ATP1B3: variants seen among roughly 807,000 people sequenced by gnomAD.
ATP1B3 encodes ATPase Na+/K+ transporting subunit beta 3.
In ATP1B3, 10 loss-of-function variants were observed where a neutral mutation model predicts 30.2. The ratio of observed to expected loss-of-function variants is 0.33; its 90% CI spans 0.20 to 0.56. The LOEUF is 0.56. Among genes scored for constraint, ATP1B3 ranks in the 20% least tolerant of loss-of-function variants. The pLI, the probability that ATP1B3 is intolerant of heterozygous loss-of-function variation, is 0.90. For missense variants in ATP1B3, 238 were observed against 336.7 expected (o/e 0.71, Z 2.29); for synonymous variants, 113 against 117.0 (o/e 0.97, Z 0.22).
At chr3:141,913,389 A>G (rs79798088) in intron 3 of ATP1B3, among the ~76,000 whole-genome samples, 13,543 of 152,142 alleles carry the variant, frequency 0.089, 747 homozygotes, top group East Asian at 0.16. Context: ...TGCTTTAGCC[A>G]TGGCTGGTAC....
chr3:141,919,449 T>A (rs1022350125), intron 5 of ATP1B3, among the ~76,000 whole-genome samples: 5 of 152,232 alleles, frequency 3.3e-5, no homozygotes, highest in Admixed American at 6.5e-5. Context: ...ACTTAAAAGA[T>A]GATCCTGCAA....
chr3:141,915,357 G>A (rs764624657), intron 4 of ATP1B3, among the ~76,000 whole-genome samples: 5 of 152,162 alleles, frequency 3.3e-5, no homozygotes, highest in African/African-American at 9.6e-5. Flanking sequence ...TAGATTTTAC[G>A]TGCATTCACG....
intron 1 of ATP1B3, among the ~76,000 whole-genome samples, chr3:141,880,804 A>G (rs1390366600): frequency 6.6e-6 from 1 of 152,176 alleles, no homozygotes; most frequent in African/African-American, 2.4e-5. Flanking sequence ...CCTTCATTTC[A>G]TAGGTGGCAA....
At chr3:141,879,458 G>C (rs1370499419) in intron 1 of ATP1B3, among the ~76,000 whole-genome samples, 1 of 151,998 alleles carries the variant, frequency 6.6e-6, no homozygotes, top group East Asian at 1.9e-4. Context: ...ATTTTTACCT[G>C]TGTTATCTCT....
chr3:141,910,778 C>CT (rs1364924308), intron 3 of ATP1B3, among the ~76,000 whole-genome samples: 1 of 148,186 alleles, frequency 6.7e-6, no homozygotes, highest in Non-Finnish European at 1.5e-5. Context: ...TTGCCCTGCC[C>CT]CCCCCTTTTT....
intron 1 of ATP1B3, among the ~76,000 whole-genome samples, chr3:141,898,886 G>A (rs1013393827): frequency 3.9e-5 from 6 of 152,116 alleles, no homozygotes; most frequent in African/African-American, 1.2e-4. Flanking sequence ...CATATACAGT[G>A]GGATATTATT....
At chr3:141,919,318 A>G (rs931753117) in intron 5 of ATP1B3, among the ~76,000 whole-genome samples, 2 of 150,888 alleles carry the variant, frequency 1.3e-5, no homozygotes, top group African/African-American at 2.4e-5. Flanking sequence ...GGGTGTCACC[A>G]TGTTGCCAGG....
At chr3:141,893,164 A>G (rs1370789803) in intron 1 of ATP1B3, among the ~76,000 whole-genome samples, 2 of 151,796 alleles carry the variant, frequency 1.3e-5, no homozygotes, top group Non-Finnish European at 2.9e-5. Context: ...ACGCACCACC[A>G]CACCTGACTA....
intron 5 of ATP1B3, among the ~76,000 whole-genome samples, chr3:141,920,091 A>G (rs1934539828): frequency 1.3e-5 from 2 of 152,226 alleles, no homozygotes; most frequent in Admixed American, 1.3e-4. Flanking sequence ...AGATTAAGAA[A>G]AATCCTGCCA....
intron 1 of ATP1B3, among the ~76,000 whole-genome samples, chr3:141,894,170 A>G (rs6773700): frequency 0.6 from 90,632 of 152,076 alleles, 28,524 homozygotes; most frequent in African/African-American, 0.81. Flanking sequence ...TTGCAGGACT[A>G]CAGTTGCAGT....
chr3:141,896,937 A>G (rs1197983477), intron 1 of ATP1B3, among the ~76,000 whole-genome samples: 1 of 152,072 alleles, frequency 6.6e-6, no homozygotes, highest in Non-Finnish European at 1.5e-5. Context: ...AGACTTTCCT[A>G]TTACAACATT....
intron 4 of ATP1B3, among the ~76,000 whole-genome samples, chr3:141,914,534 C>A (rs929512570): frequency 1.3e-5 from 2 of 152,128 alleles, no homozygotes; most frequent in Admixed American, 6.5e-5. Flanking sequence ...TGATCCCTAG[C>A]CCCCGTGCCT....
At chr3:141,883,723 A>G (rs1933778645) in intron 1 of ATP1B3, among the ~76,000 whole-genome samples, 1 of 152,200 alleles carries the variant, frequency 6.6e-6, no homozygotes, top group Non-Finnish European at 1.5e-5. Context: ...GAATGTTTCC[A>G]TGAAGTTAGT....
rs372222433 is a variant in ATP1B3, at chr3:141,916,928, C to T, written c.582+908C>T. On this transcript the variant is annotated intron_variant, in intron 5 of 6. Coordinates refer to ENST00000286371, the MANE Select transcript of ATP1B3 (RefSeq NM_001679.4). ...TCGCCTGGGCTGGAGTGCAGTGGCA[C>T]GATCTCACTGCAAGCTCCGCCTCCC... Among the ~76,000 whole-genome samples, 13 of 151,716 alleles carry T rather than the reference C, an allele frequency of 8.6e-5. 1 individual carries two copies. Among genetic ancestry groups the T allele is most frequent in the East Asian group, 5.8e-4 (3 of 5,162 alleles).
chr3:141,915,018 T>C (rs887140556), intron 4 of ATP1B3, among the ~76,000 whole-genome samples: 1 of 129,582 alleles, frequency 7.7e-6, no homozygotes, highest in African/African-American at 2.7e-5. Flanking sequence ...ATAAAATGAA[T>C]TAAGTTTGTT....
intron 1 of ATP1B3, among the ~76,000 whole-genome samples, chr3:141,894,546 A>G (rs1192957208): frequency 1.3e-5 from 2 of 152,218 alleles, no homozygotes; most frequent in Non-Finnish European, 1.5e-5. Flanking sequence ...TCCTTATTCT[A>G]TAACATTTTT....
chr3:141,894,177 C>G (rs1038834660), intron 1 of ATP1B3, among the ~76,000 whole-genome samples: 1 of 152,134 alleles, frequency 6.6e-6, no homozygotes, highest in Admixed American at 6.6e-5. Flanking sequence ...ACTACAGTTG[C>G]AGTGAGTGAG....
In ATP1B3 at chr3:141,876,781, C is replaced by T. The variant is rs1314832623; in HGVS notation, c.-21C>T. The T allele has an allele frequency of 4.4e-6, 7 of 1,582,662 alleles. No individual in the cohort carries two copies. In the African/African-American group the frequency reaches 6.9e-5, roughly 16 times the overall value. The stretch of plus-strand genomic sequence containing the variant: ...CTCCATCCCCGCGGCCGCAGCTCCT[C>T]TCGCCGTCCGCGCGCACACCATGAC... On this transcript the variant is annotated 5_prime_UTR_variant, in exon 1 of 7. Coordinates refer to ENST00000286371, the MANE Select transcript of ATP1B3 (RefSeq NM_001679.4).
At chr3:141,903,237 T>A (rs6440049) in intron 1 of ATP1B3, among the ~76,000 whole-genome samples, 88,486 of 152,114 alleles carry the variant, frequency 0.58, 27,191 homozygotes, top group African/African-American at 0.8. Flanking sequence ...ACTTAAAGGA[T>A]CATGTAAATA....
Sources: allele counts gnomAD v4.1 joint callset (sites outside exome capture counted in the v4.1 genomes callset), GRCh38; gene constraint gnomAD v4.1.1; transcripts MANE v1.5; gene names NCBI Gene and HGNC (gene_info 2026-07-23, HGNC 2026-07-21).